YEATS2: variants seen among roughly 807,000 people sequenced by gnomAD.
YEATS2 encodes YEATS domain-containing protein 2.
In YEATS2, 77 loss-of-function variants were observed where a neutral mutation model predicts 163.2. The observed-to-expected ratio is 0.47, with a 90% CI of 0.39 to 0.57. YEATS2 has a LOEUF of 0.57. Ranked by LOEUF, YEATS2 falls within the 20% of genes least tolerant of loss-of-function variation. The pLI is 0.00. For missense variants in YEATS2, 1,549 were observed against 1,729.8 expected (o/e 0.90, Z 1.85); for synonymous variants, 631 against 645.1 (o/e 0.98, Z 0.33).
At chr3:183,758,747 A>G (rs1577127701) in intron 12 of YEATS2, 115 bp from the exon 13 acceptor site, 6 of 786,458 alleles carry the variant, frequency 7.6e-6, no homozygotes, top group East Asian at 2.7e-5. Context: ...TGAGTTTTCA[A>G]CCCTTAAACA....
chr3:183,709,030 C>G (rs1422976323), intron 1 of YEATS2, among the ~76,000 whole-genome samples: 3 of 152,106 alleles, frequency 2.0e-5, no homozygotes, highest in African/African-American at 7.2e-5. Flanking sequence ...AGTGGTGGCA[C>G]ACACCAGTAA....
chr3:183,780,295 T>C (rs1723441700), intron 19 of YEATS2, among the ~76,000 whole-genome samples: 3 of 152,216 alleles, frequency 2.0e-5, no homozygotes, highest in Admixed American at 1.3e-4. Flanking sequence ...TGAATAGAAC[T>C]GGCTGCTCTT....
In YEATS2 at chr3:183,804,216, C is replaced by T. The variant is rs758588694; in HGVS notation, c.3784+28C>T. ...AAGCCTTCAGTGGCACTGCCCAGAG[C>T]GCCTGGCAGCCTGGAGGCATTTGCT... is the stretch of plus-strand genomic sequence containing the variant. On this transcript the variant is annotated intron_variant, in intron 27 of 30. Coordinates refer to ENST00000305135, the MANE Select transcript of YEATS2 (RefSeq NM_018023.5). 14 of 1,612,412 alleles carry T rather than the reference C, an allele frequency of 8.7e-6. No individual in the cohort carries two copies. The African/African-American group carries it at 1.1e-4, about 12-fold the overall frequency.
intron 14 of YEATS2, 67 bp downstream of exon 14, chr3:183,761,681 CCA>C: frequency 7.2e-7 from 1 of 1,385,128 alleles, no homozygotes; most frequent in South Asian, 1.2e-5. Context: ...GAGTTCATTG[CCA>C]CTACCCCTAC....
chr3:183,752,796 TTTTTA>T (rs1324859388), intron 10 of YEATS2, among the ~76,000 whole-genome samples: 2 of 151,728 alleles, frequency 1.3e-5, no homozygotes, highest in Admixed American at 6.6e-5. Flanking sequence ...TTTAAATTTA[TTTTTA>T]TTTTATTTTA....
At chr3:183,787,041 A>G (rs1286202681) in intron 20 of YEATS2, among the ~76,000 whole-genome samples, 1 of 152,036 alleles carries the variant, frequency 6.6e-6, no homozygotes, top group Non-Finnish European at 1.5e-5. Context: ...TGGAACCTCC[A>G]TCTCCCGGGT....
intron 30 of YEATS2, 24 bp downstream of exon 30, chr3:183,809,194 G>A (rs1197108241): frequency 5.6e-6 from 9 of 1,611,604 alleles, no homozygotes; most frequent in Admixed American, 5.0e-5. Context: ...TGCAGTCTGT[G>A]GTGTGAGGCT....
rs148763192 is a variant in YEATS2, at chr3:183,722,103, C to T, written c.504C>T (p.Asn168=). Residue 168 remains asparagine, a synonymous_variant, in exon 5 of 31, where the codon AAC becomes AAT. Coordinates refer to ENST00000305135, the MANE Select transcript of YEATS2 (RefSeq NM_018023.5). ...NMDIEERLSN[N]MEQRPSRNTG... ...ATATAGAGGAAAGACTCTCAAACAA[C>T]ATGGAGCAGAGACCAAGCCGAAATA... The T allele has an allele frequency of 5.1e-4, 820 of 1,613,942 alleles. No homozygotes were observed. Among genetic ancestry groups the T allele is most frequent in the Non-Finnish European group, 6.4e-4 (758 of 1,180,006 alleles).
rs1722696106 is a variant in YEATS2, at chr3:183,773,685, G to T, written c.2259G>T (p.Leu753Phe). Residue 753 changes from leucine (L) to phenylalanine (F), a missense_variant, in exon 17 of 31, where the codon TTG (leucine) becomes TTT (phenylalanine). Physicochemically the swap from Leu to Phe is conservative, Grantham distance 22. Coordinates refer to ENST00000305135, the MANE Select transcript of YEATS2 (RefSeq NM_018023.5). Reference protein sequence around the residue: ...PATNLANLANLPPGTKLYLTT... With the variant: ...PATNLANLANFPPGTKLYLTT... Reference sequence around the variant, plus strand: ...CTAATTTGGCCAACTTGGCAAATTTGCCTCCTGGCACTAAACTCTACCTAA... The same window carrying T: ...CTAATTTGGCCAACTTGGCAAATTTTCCTCCTGGCACTAAACTCTACCTAA... The T allele has an allele frequency of 9.3e-6, 15 of 1,611,740 alleles. No homozygotes were observed. Among genetic ancestry groups the T allele is most frequent in the Non-Finnish European group, 1.2e-5 (14 of 1,179,344 alleles).
chr3:183,775,956 G>A lies in YEATS2; in HGVS notation c.2410G>A (p.Gly804Arg), dbSNP rs1300255179. ...GSAASGGSGAGGGGGGGGGGG... is the reference protein window; with the variant it reads ...GSAASGGSGARGGGGGGGGGG... Reference sequence around the variant, plus strand: ...AGCTGCCAGTGGTGGGAGTGGTGCCGGAGGAGGAGGAGGAGGAGGAGGAGG... The same window carrying A: ...AGCTGCCAGTGGTGGGAGTGGTGCCAGAGGAGGAGGAGGAGGAGGAGGAGG... Residue 804 changes from glycine to arginine, a missense_variant, in exon 18 of 31, where the codon GGA becomes AGA. Transcript: ENST00000305135. 8 of 412,698 alleles carry A rather than the reference G, an allele frequency of 1.9e-5. No individual in the cohort carries two copies. Among genetic ancestry groups the A allele is most frequent in the African/African-American group, 1.7e-4 (4 of 23,222 alleles). 25.6% of individuals were successfully genotyped at this position (412,698 alleles called of 1,614,324 possible).
intron 9 of YEATS2, among the ~76,000 whole-genome samples, chr3:183,751,296 G>C (rs1420816698): frequency 1.3e-5 from 2 of 152,188 alleles, no homozygotes; most frequent in African/African-American, 2.4e-5. Context: ...CTGTATGTCT[G>C]TCTTTATGCC....
intron 8 of YEATS2, among the ~76,000 whole-genome samples, chr3:183,744,090 C>G (rs7431233): frequency 9.3e-6 from 1 of 107,438 alleles, no homozygotes; most frequent in African/African-American, 3.4e-5. Context: ...AGAGGAAAGT[C>G]TTTTAGTTTT....
chr3:183,726,613 T>C (rs1717124861), intron 6 of YEATS2, among the ~76,000 whole-genome samples: 1 of 152,220 alleles, frequency 6.6e-6, no homozygotes, highest in East Asian at 1.9e-4. Flanking sequence ...GGATTCTAAC[T>C]GGTAGTGTTT....
intron 23 of YEATS2, 131 bp from the exon 24 acceptor site, chr3:183,800,335 G>C (rs1725551927): frequency 4.7e-6 from 3 of 641,022 alleles, no homozygotes; most frequent in Non-Finnish European, 5.6e-6. Flanking sequence ...CAGTCCCCTG[G>C]CTGTGTCCCC....
At chr3:183,753,531 T>C (rs1378741516) in intron 10 of YEATS2, among the ~76,000 whole-genome samples, 3 of 152,162 alleles carry the variant, frequency 2.0e-5, no homozygotes, top group Non-Finnish European at 2.9e-5. Context: ...TCGGATCACC[T>C]GAGGTCAGGA....
chr3:183,750,520 G>A lies in YEATS2; in HGVS notation c.970-1553G>A, dbSNP rs559729947. The stretch of plus-strand genomic sequence containing the variant: ...ACTGCTATATTTTTTCGTGGTAGCC[G>A]CACCATTTTACATTCCCACCAACAG... On this transcript the variant is annotated intron_variant, in intron 9 of 30. Transcript: ENST00000305135. Among the ~76,000 whole-genome samples the A allele has an allele frequency of 1.4e-4, 21 of 152,214 alleles. No individual in the cohort carries two copies. In the East Asian group the frequency reaches 1.9e-3, roughly 14 times the overall value.
intron 19 of YEATS2, 65 bp downstream of exon 19, chr3:183,777,765 T>C (rs1229821151): frequency 4.6e-6 from 7 of 1,535,700 alleles, no homozygotes; most frequent in Admixed American, 2.1e-5. Context: ...CATATTTACA[T>C]GTAGTTTCTC....
intron 8 of YEATS2, among the ~76,000 whole-genome samples, chr3:183,741,637 C>T (rs1237180273): frequency 6.6e-6 from 1 of 151,758 alleles, no homozygotes; most frequent in Non-Finnish European, 1.5e-5. Context: ...CAAAAAGTAG[C>T]TGGGCGTGGT....
At chr3:183,755,096 TAAA>T (rs542214213) in intron 11 of YEATS2, among the ~76,000 whole-genome samples, 137 of 152,250 alleles carry the variant, frequency 9.0e-4, no homozygotes, top group African/African-American at 3.2e-3. Context: ...TGATGAGAGA[TAAA>T]TAGCTTCTAA....
Sources: gnomAD v4.1 joint callset for allele counts (sites outside exome capture counted in the v4.1 genomes callset) on GRCh38, gnomAD v4.1.1 for gene constraint, MANE v1.5 for transcripts, NCBI Gene and HGNC (gene_info 2026-07-23, HGNC 2026-07-21) for gene names.